TSC22D1: variants seen among roughly 807,000 people sequenced by gnomAD.
TSC22D1 encodes the protein TSC22 domain family protein 1.
TSC22D1 carries 9 observed loss-of-function variants against 74.2 expected under a neutral mutation model. That is an observed-to-expected ratio of 0.12 (90% CI 0.07 to 0.21). The LOEUF is 0.21. Among genes scored for constraint, TSC22D1 ranks in the 10% least tolerant of loss-of-function variants. The probability of loss-of-function intolerance (pLI) is 1.00; values close to 1 mark genes in which losing one functional copy is unlikely to be tolerated. For missense variants in TSC22D1, 1,427 were observed against 1,304.7 expected, an observed-to-expected ratio of 1.09 and a Z score of -1.44; for synonymous variants, 586 against 492.5, an observed-to-expected ratio of 1.19 and a Z score of -2.51.
At chr13:44,509,668 ATGGTGAAT>A in intron 1 of TSC22D1, among the ~76,000 whole-genome samples, 1 of 152,148 alleles carries the variant, frequency 6.6e-6, no homozygotes, top group Non-Finnish European at 1.5e-5. Flanking sequence ...AATGGTTAAG[ATGGTGAAT>A]TTTATATTAT....
chr13:44,521,091 G>C (rs1880292077), intron 1 of TSC22D1, among the ~76,000 whole-genome samples: 1 of 152,136 alleles, frequency 6.6e-6, no homozygotes, highest in South Asian at 2.1e-4. Flanking sequence ...GAGAGCAAAA[G>C]CTCAGTGCGC....
intron 1 of TSC22D1, among the ~76,000 whole-genome samples, chr13:44,440,351 G>A (rs1290919799): frequency 6.6e-6 from 1 of 152,144 alleles, no homozygotes; most frequent in Non-Finnish European, 1.5e-5. Flanking sequence ...GGGTGAGATG[G>A]GCGGATCACT....
In TSC22D1 at chr13:44,576,243, C is replaced by A. The variant is rs1884236281; in HGVS notation, c.-169G>T. 4 of 998,336 alleles carry A rather than the reference C, an allele frequency of 4.0e-6. No individual in the cohort carries two copies. The highest frequency in any genetic ancestry group is 5.7e-6 in the Non-Finnish European group (4 of 707,890). 61.8% of individuals were successfully genotyped at this position (998,336 alleles called of 1,614,324 possible). On this transcript the variant is annotated 5_prime_UTR_variant, in exon 1 of 3. Coordinates refer to ENST00000458659, the MANE Select transcript of TSC22D1 (RefSeq NM_183422.4). Reference sequence around the variant, plus strand: ...CGCCGGTCGCTCCTGCCTTCGAGAGCGAGCTTCGGAAAGGAGGATGAACGA... The same window carrying A: ...CGCCGGTCGCTCCTGCCTTCGAGAGAGAGCTTCGGAAAGGAGGATGAACGA...
At chr13:44,566,192 G>A (rs1474245377) in intron 1 of TSC22D1, among the ~76,000 whole-genome samples, 1 of 151,974 alleles carries the variant, frequency 6.6e-6, no homozygotes, top group African/African-American at 2.4e-5. Flanking sequence ...TTCCTTATGG[G>A]CACTGGCCTT....
chr13:44,455,600 A>G (rs906879343), intron 1 of TSC22D1, among the ~76,000 whole-genome samples: 10 of 152,222 alleles, frequency 6.6e-5, no homozygotes, highest in Non-Finnish European at 1.5e-4. Flanking sequence ...TGGAAGTACA[A>G]ATAAGTCAGG....
At chr13:44,518,420 TC>T (rs1314583990) in intron 1 of TSC22D1, among the ~76,000 whole-genome samples, 1 of 152,204 alleles carries the variant, frequency 6.6e-6, no homozygotes, top group African/African-American at 2.4e-5. Flanking sequence ...AGTATTACTT[TC>T]ATCAAATTTT....
chr13:44,446,846 A>G (rs945260155), intron 1 of TSC22D1, among the ~76,000 whole-genome samples: 4 of 116,808 alleles, frequency 3.4e-5, no homozygotes, highest in Admixed American at 1.0e-4. Flanking sequence ...GAGGAAGAAG[A>G]AGAAGAGGAA....
chr13:44,518,946 A>G (rs1391075099), intron 1 of TSC22D1, among the ~76,000 whole-genome samples: 2 of 152,186 alleles, frequency 1.3e-5, no homozygotes, highest in East Asian at 3.8e-4. Context: ...CTATCTTGAA[A>G]CTTTATTTTC....
In TSC22D1 at chr13:44,537,168, G is replaced by A. The variant is rs1015736989; in HGVS notation, c.2912+35995C>T. On this transcript the variant is annotated intron_variant, in intron 1 of 2. Transcript: ENST00000458659. ...ACATAATACAGATATTACACAATTAGTCATTCTAGAAAAAAATAGTTTATA... is the reference window on the plus strand; with the variant it reads ...ACATAATACAGATATTACACAATTAATCATTCTAGAAAAAAATAGTTTATA... 3.9e-5 allele frequency: 34 copies of A among 874,942 alleles called. No individual in the cohort carries two copies. The Middle Eastern group carries it at 2.3e-3, about 60-fold the overall frequency. 54.2% of individuals were successfully genotyped at this position (874,942 alleles called of 1,614,324 possible).
chr13:44,452,503 G>GGCCTCTGC (rs1189475044), intron 1 of TSC22D1: 5 of 152,254 alleles, frequency 3.3e-5, no homozygotes, highest in Non-Finnish European at 5.9e-5. Flanking sequence ...AGGGAGCCTG[G>GGCCTCTGC]GCCTCTGCGC....
intron 1 of TSC22D1, among the ~76,000 whole-genome samples, chr13:44,462,970 C>T (rs1020968171): frequency 1.3e-5 from 2 of 152,096 alleles, no homozygotes; most frequent in South Asian, 4.1e-4. Flanking sequence ...ATTTTAGATG[C>T]ATATTGCACT....
intron 1 of TSC22D1, among the ~76,000 whole-genome samples, chr13:44,503,770 C>T (rs1879318986): frequency 7.2e-5 from 11 of 152,156 alleles, no homozygotes; most frequent in Admixed American, 7.2e-4. Context: ...TTCATCATGA[C>T]TACTTGATAG....
intron 1 of TSC22D1, among the ~76,000 whole-genome samples, chr13:44,484,034 G>A (rs1351763140): frequency 6.6e-6 from 1 of 152,004 alleles, no homozygotes; most frequent in African/African-American, 2.4e-5. Flanking sequence ...TGAACACATA[G>A]GTATCTTATA....
At chr13:44,496,609 C>T (rs1037872172) in intron 1 of TSC22D1, among the ~76,000 whole-genome samples, 5 of 151,928 alleles carry the variant, frequency 3.3e-5, no homozygotes, top group Admixed American at 6.6e-5. Context: ...CACTGGAACC[C>T]GAGAGGTGGA....
chr13:44,545,669 G>A (rs887517305), intron 1 of TSC22D1, among the ~76,000 whole-genome samples: 4 of 151,342 alleles, frequency 2.6e-5, no homozygotes, highest in Admixed American at 2.6e-4. Context: ...AGTGCACTTA[G>A]AAAACTCAGA....
chr13:44,568,780 A>C (rs1883548745), intron 1 of TSC22D1, among the ~76,000 whole-genome samples: 1 of 152,228 alleles, frequency 6.6e-6, no homozygotes, highest in Non-Finnish European at 1.5e-5. Flanking sequence ...GGGTGGGGAA[A>C]GGAGGGGCAA....
intron 1 of TSC22D1, among the ~76,000 whole-genome samples, chr13:44,438,288 G>A (rs956490675): frequency 4.6e-5 from 7 of 152,108 alleles, no homozygotes; most frequent in Admixed American, 3.3e-4. Flanking sequence ...AAATCTGACC[G>A]TAGAACATAT....
intron 1 of TSC22D1, among the ~76,000 whole-genome samples, chr13:44,509,950 C>CAAAAAAAAAAAAAAAAAAAAAACTA: frequency 1.9e-5 from 1 of 51,426 alleles, no homozygotes; most frequent in Non-Finnish European, 3.6e-5. Flanking sequence ...AGAAAATAAG[C>CAAAAAAAAAAAAAAAAAAAAAACTA]AAAAAAAAAA....
intron 1 of TSC22D1, among the ~76,000 whole-genome samples, chr13:44,562,878 G>A (rs1045664289): frequency 2.0e-5 from 3 of 152,084 alleles, no homozygotes; most frequent in Admixed American, 6.6e-5. Flanking sequence ...GGCCCAGGTG[G>A]GTGGATCACC....
Sources: allele counts gnomAD v4.1 joint callset (sites outside exome capture counted in the v4.1 genomes callset), GRCh38; gene constraint gnomAD v4.1.1; transcripts MANE v1.5; gene names NCBI Gene and HGNC (gene_info 2026-07-23, HGNC 2026-07-21).